TENM1: variants seen among roughly 807,000 people sequenced by gnomAD.
TENM1 encodes the protein teneurin-1.
TENM1 carries 35 observed loss-of-function variants against 174.8 expected under a neutral mutation model. The observed-to-expected ratio is 0.20, with a 90% CI of 0.15 to 0.27. The LOEUF (loss-of-function observed/expected upper bound fraction) is 0.27. Among genes scored for constraint, TENM1 ranks in the 10% least tolerant of loss-of-function variants. TENM1 has a pLI of 1.00. For synonymous variants in TENM1, 781 were observed against 798.7 expected (o/e 0.98, Z 0.37); for missense variants, 1,633 against 2,130.1 (o/e 0.77, Z 4.59).
chrX:125,105,016 T>C, the TENM1 span, among the ~76,000 whole-genome samples: 1 of 111,966 alleles, frequency 8.9e-6, no homozygotes, highest in Non-Finnish European at 1.9e-5. Flanking sequence ...TATGTAAAGA[T>C]TGACATTTTC....
At chrX:125,134,387 G>A in the TENM1 span, among the ~76,000 whole-genome samples, 3,814 of 111,877 alleles carry the variant, frequency 0.034, 162 homozygotes, top group African/African-American at 0.12. Flanking sequence ...CTCTATTCCC[G>A]GTTTCTTCTT....
At chrX:125,048,219 G>A in the TENM1 span, among the ~76,000 whole-genome samples, 17 of 103,956 alleles carry the variant, frequency 1.6e-4, no homozygotes, top group South Asian at 8.6e-4. Flanking sequence ...TTAGGAGTCC[G>A]TTTAAATGAT....
chrX:125,088,354 C>T, the TENM1 span, among the ~76,000 whole-genome samples: 1 of 110,838 alleles, frequency 9.0e-6, no homozygotes, highest in South Asian at 3.7e-4. Flanking sequence ...TGGGATCCTG[C>T]AACAGAAAAT....
At chrX:125,161,314 T>C in the TENM1 span, among the ~76,000 whole-genome samples, 2 of 111,941 alleles carry the variant, frequency 1.8e-5, no homozygotes, top group Admixed American at 1.9e-4. Context: ...GTAAACGTTA[T>C]AGAAATAGTT....
Position 124,568,588 on chromosome X carries a change from CAT to C in TENM1, c.2078-3030_2078-3029del, listed in dbSNP as rs1465487412. ...ACTTTGTCAAGTATGCATATGAAAA[CAT>C]AAAGGTGGAATTCTGTTTCTAGTAA... On this transcript the variant is annotated intron_variant, in intron 11 of 31. Coordinates refer to ENST00000422452, the Ensembl canonical transcript of TENM1. 5.4e-5 allele frequency among the ~76,000 whole-genome samples: 6 copies of C among 111,666 alleles called. No individual in the cohort carries two copies. The East Asian group carries it at 1.7e-3, about 31-fold the overall frequency.
At chrX:124,443,508 A>G (rs2060933224) in intron 23 of TENM1, among the ~76,000 whole-genome samples, 1 of 112,109 alleles carries the variant, frequency 8.9e-6, no homozygotes. Flanking sequence ...TATAGAGAAC[A>G]TGCAAATGGG....
intron 23 of TENM1, among the ~76,000 whole-genome samples, chrX:124,435,090 G>A (rs1481655972): frequency 1.8e-5 from 2 of 111,419 alleles, no homozygotes; most frequent in African/African-American, 3.3e-5. Context: ...TGCGTGATGA[G>A]CCCATAAAGT....
intron 11 of TENM1, among the ~76,000 whole-genome samples, chrX:124,582,830 T>G (rs1330982455): frequency 1.8e-5 from 2 of 112,251 alleles, no homozygotes; most frequent in Admixed American, 9.4e-5. Context: ...ACTCCCACCC[T>G]AATACTGTGC....
At chrX:124,646,779 A>G (rs375107686) in exon 9 of TENM1, 318 of 1,201,351 alleles carry the variant, frequency 2.6e-4, no homozygotes, top group Non-Finnish European at 3.5e-4. Flanking sequence ...CTCCATTTCC[A>G]TTGCAATTGG....
intron 13 of TENM1, 57 bp downstream of exon 16, chrX:124,563,692 T>C (rs2048876927): frequency 4.2e-6 from 4 of 962,482 alleles, no homozygotes; most frequent in Non-Finnish European, 4.3e-6. Flanking sequence ...CTTTCTTACA[T>C]GCATATTTTC....
intron 11 of TENM1, among the ~76,000 whole-genome samples, chrX:124,620,920 G>T (rs756997329): frequency 9.8e-4 from 110 of 112,023 alleles, no homozygotes; most frequent in African/African-American, 1.9e-3. Context: ...GAATACAGGA[G>T]TTACTTAGAA....
intron 11 of TENM1, among the ~76,000 whole-genome samples, chrX:124,634,469 T>C (rs931225188): frequency 3.6e-5 from 4 of 111,562 alleles, no homozygotes; most frequent in African/African-American, 9.8e-5. Context: ...AAATTCTAAA[T>C]ATCTTATATG....
At chrX:124,511,430 T>C (rs987147585) in intron 18 of TENM1, among the ~76,000 whole-genome samples, 6 of 111,295 alleles carry the variant, frequency 5.4e-5, no homozygotes, top group African/African-American at 2.0e-4. Context: ...CACTGGGGCA[T>C]TGAATTGGGT....
rs1004972388 is a variant in TENM1 at position 124,750,991 on chromosome X, A to G, written c.536-13794T>C. Among the ~76,000 whole-genome samples the G allele has an allele frequency of 2.7e-5, 3 of 112,295 alleles. No homozygotes were observed. The Admixed American group carries it at 2.8e-4, about 11-fold the overall frequency. ...CATTAAATGTTTCCTTTTAATTTTG[A>G]GTAGCAAATATCTTCATTTCAGTAG... On this transcript the variant is annotated intron_variant, in intron 3 of 31. Coordinates refer to ENST00000422452, the Ensembl canonical transcript of TENM1.
chrX:124,928,174 C>T (rs2058117917), intron 1 of TENM1, among the ~76,000 whole-genome samples: 1 of 112,172 alleles, frequency 8.9e-6, no homozygotes, highest in Non-Finnish European at 1.9e-5. Context: ...TGCCCATTTT[C>T]TTACTTTAGT....
At chrX:124,735,453 G>C (rs1274769931) in intron 4 of TENM1, among the ~76,000 whole-genome samples, 1 of 111,881 alleles carries the variant, frequency 8.9e-6, no homozygotes, top group Non-Finnish European at 1.9e-5. Flanking sequence ...AAAAACAACA[G>C]GTATTGGTGA....
exon 14 of TENM1, chrX:124,561,718 T>C (rs2048822971): frequency 1.7e-6 from 2 of 1,211,132 alleles, no homozygotes; most frequent in East Asian, 3.0e-5. Context: ...CATGACAACA[T>C]TGCAGCCTGT....
At chrX:124,563,979 C>T (rs767199810) in intron 12 of TENM1, among the ~76,000 whole-genome samples, 1 of 111,973 alleles carries the variant, frequency 8.9e-6, no homozygotes, top group Admixed American at 9.5e-5. Flanking sequence ...GGCATTTCTG[C>T]AAGAAACTCT....
At chrX:125,061,095 C>T in the TENM1 span, among the ~76,000 whole-genome samples, 1 of 109,677 alleles carries the variant, frequency 9.1e-6, no homozygotes, top group Non-Finnish European at 1.9e-5. Context: ...ATAATTACAA[C>T]CGATTTGAAT....
Sources: allele counts gnomAD v4.1 joint callset (sites outside exome capture counted in the v4.1 genomes callset), GRCh38; gene constraint gnomAD v4.1.1; transcripts MANE v1.5; gene names NCBI Gene and HGNC (gene_info 2026-07-23, HGNC 2026-07-21).